RELCH: variants seen among roughly 807,000 people sequenced by gnomAD.
RELCH encodes RAB11-binding protein RELCH.
Under a neutral mutation model 150.3 loss-of-function variants are expected in RELCH, and 41 were observed. The ratio of observed to expected loss-of-function variants is 0.27; its 90% CI spans 0.21 to 0.35. The LOEUF (loss-of-function observed/expected upper bound fraction) is 0.35. Among genes scored for constraint, RELCH ranks in the 10% least tolerant of loss-of-function variants. RELCH has a pLI of 1.00. For missense variants in RELCH, 1,092 were observed against 1,467.8 expected, an observed-to-expected ratio of 0.74 and a Z score of 4.18; for synonymous variants, 478 against 531.8, an observed-to-expected ratio of 0.90 and a Z score of 1.39.
intron 1 of RELCH, among the ~76,000 whole-genome samples, chr18:62,190,388 C>A (rs1201895062): frequency 6.6e-6 from 1 of 151,994 alleles, no homozygotes; most frequent in African/African-American, 2.4e-5. Context: ...ACCAGCCTGG[C>A]CAACATGGTG....
intron 1 of RELCH, among the ~76,000 whole-genome samples, chr18:62,207,892 A>G (rs1045699904): frequency 6.6e-6 from 1 of 152,234 alleles, no homozygotes; most frequent in African/African-American, 2.4e-5. Context: ...TGGACATTTT[A>G]TATGAATGGT....
chr18:62,276,345 C>T (rs1324513856), intron 22 of RELCH, among the ~76,000 whole-genome samples: 1 of 152,052 alleles, frequency 6.6e-6, no homozygotes, highest in Non-Finnish European at 1.5e-5. Context: ...CTCAAAGTAT[C>T]AGTCTCAAAG....
At chr18:62,264,663 G>A in intron 17 of RELCH, 66 bp from the exon 18 acceptor site, 1 of 1,220,430 alleles carries the variant, frequency 8.2e-7, no homozygotes, top group Non-Finnish European at 1.2e-6. Flanking sequence ...CATTGTTTCA[G>A]AAATTGGCAA....
Position 62,187,275 on chromosome 18 carries a change from C to A in RELCH, c.-231C>A. The A allele has an allele frequency of 2.8e-6, 1 of 353,926 alleles. No individual in the cohort carries two copies. Among genetic ancestry groups the A allele is most frequent in the Non-Finnish European group, 5.1e-6 (1 of 196,014 alleles). 21.9% of individuals were successfully genotyped at this position (353,926 alleles called of 1,614,324 possible). A position where few individuals can be genotyped will look rare whatever the true frequency, so the allele number is the denominator to read the frequency against. On this transcript the variant is annotated 5_prime_UTR_variant, in exon 1 of 29. Transcript: ENST00000644646. ...GCTCCAGTTCTCGCGAGACTGGAGA[C>A]CAGGAAGACGCCTGCAGAGCCGGGC...
At chr18:62,240,663 AG>A (rs1234589351) in intron 10 of RELCH, among the ~76,000 whole-genome samples, 3 of 151,990 alleles carry the variant, frequency 2.0e-5, no homozygotes, top group Non-Finnish European at 4.4e-5. Context: ...GAATTCTAAA[AG>A]TCCTAGAAAT....
In RELCH at chr18:62,244,848, T is replaced by C; in HGVS notation, c.1705T>C (p.Leu569=). ...RDQLLHILFN[L]IKRPDDEQRQ... ...TCAGCTTCTCCACATACTTTTCAAT[T>C]TGATCAAGAGGCCAGATGATGAGCA... Residue 569 remains leucine, a synonymous_variant, in exon 11 of 29, where the codon TTG becomes CTG. Transcript: ENST00000644646. 6.2e-7 allele frequency: 1 copy of C among 1,612,974 alleles called. No homozygotes were observed. Among genetic ancestry groups the C allele is most frequent in the African/African-American group, 1.3e-5 (1 of 75,004 alleles).
At chr18:62,209,923 TA>T (rs1303134509) in intron 1 of RELCH, among the ~76,000 whole-genome samples, 2 of 152,226 alleles carry the variant, frequency 1.3e-5, no homozygotes, top group African/African-American at 4.8e-5. Flanking sequence ...TGCTAATGTA[TA>T]AAAATCCAAC....
At position 62,193,883 on chromosome 18, in the gene RELCH, A is replaced by G. The variant is rs151206674; in HGVS notation, c.526+5852A>G. Among the ~76,000 whole-genome samples the G allele has an allele frequency of 1.2e-4, 19 of 152,304 alleles. No individual in the cohort carries two copies. The East Asian group carries it at 3.7e-3, about 29-fold the overall frequency. ...CATTATTGAGTTGTAAGAGTTCTCTATATGTGCATTATCAAATGTGAATTT... is the reference window on the plus strand; with the variant it reads ...CATTATTGAGTTGTAAGAGTTCTCTGTATGTGCATTATCAAATGTGAATTT... On this transcript the variant is annotated intron_variant, in intron 1 of 28. Transcript: ENST00000644646.
At chr18:62,227,236 A>G in intron 5 of RELCH, 53 bp from the exon 6 acceptor site, 1 of 1,219,410 alleles carries the variant, frequency 8.2e-7, no homozygotes, top group Non-Finnish European at 1.2e-6. Flanking sequence ...AATTTCAAAA[A>G]TGTAAGATAA....
At position 62,255,409 on chromosome 18, in the gene RELCH, T is replaced by C; in HGVS notation, c.1827T>C (p.Ile609=). ...AELLPQCWEQ[I]NHKYPERRLL... ...TTTATTTATTTTTTTTGCTCTAGAT[T>C]AATCACAAATACCCAGAAAGACGAC... Residue 609 remains isoleucine (I), a splice_region_variant and synonymous_variant, in exon 13 of 29, where the codon ATT becomes ATC. Transcript: ENST00000644646. 2.5e-6 allele frequency: 4 copies of C among 1,607,044 alleles called. No individual in the cohort carries two copies. Among genetic ancestry groups the C allele is most frequent in the Non-Finnish European group, 2.6e-6 (3 of 1,174,904 alleles).
intron 28 of RELCH, chr18:62,300,919 A>T (rs954768263): frequency 1.3e-5 from 2 of 152,224 alleles, no homozygotes; most frequent in African/African-American, 4.8e-5. Context: ...AGTAAGTAAA[A>T]TTCAGAGTGC....
At chr18:62,244,529 A>G (rs1015126148) in intron 10 of RELCH, among the ~76,000 whole-genome samples, 1 of 152,206 alleles carries the variant, frequency 6.6e-6, no homozygotes, top group Non-Finnish European at 1.5e-5. Context: ...AACCAAGGCT[A>G]GTTGAATCTT....
rs961119456 is a variant in RELCH, at chr18:62,309,162, A to C, written c.*3628A>C. Reference sequence around the variant, plus strand: ...TGAGGCAGGAGAATCACTTGAACCCAGGGAGTGGAGGTTGCAGTGAGCCAA... The same window carrying C: ...TGAGGCAGGAGAATCACTTGAACCCCGGGAGTGGAGGTTGCAGTGAGCCAA... On this transcript the variant is annotated 3_prime_UTR_variant, in exon 29 of 29. Transcript: ENST00000644646. The C allele has an allele frequency of 1.3e-5, 2 of 150,848 alleles. No homozygotes were observed. The highest frequency in any genetic ancestry group is 2.9e-5 in the Non-Finnish European group (2 of 67,854). The allele number at this position is 150,848 out of a possible 1,614,324, so 9.3% of individuals were successfully genotyped here. A position where few individuals can be genotyped will look rare whatever the true frequency, so the allele number is the denominator to read the frequency against.
At chr18:62,240,392 ATTTTCTTTTTTTTTTCT>A in intron 10 of RELCH, among the ~76,000 whole-genome samples, 1 of 146,980 alleles carries the variant, frequency 6.8e-6, no homozygotes, top group Non-Finnish European at 1.5e-5. Context: ...AAAGAAAACC[ATTTTCTTTTTTTTTTCT>A]TTTTCTTTTT....
chr18:62,275,475 T>G lies in RELCH; in HGVS notation c.2967+2T>G. 1 of 1,564,246 alleles carries G rather than the reference T, an allele frequency of 6.4e-7. No individual in the cohort carries two copies. Among genetic ancestry groups the G allele is most frequent in the Non-Finnish European group, 8.8e-7 (1 of 1,135,458 alleles). ...TGTACTGCTGCTAGAATGTTTGAGG[T>G]ATGTCAACACATGCCTCTGTTGGTT... On this transcript the variant is annotated splice_donor_variant, in intron 22 of 28. Coordinates refer to ENST00000644646, the MANE Select transcript of RELCH (RefSeq NM_001346231.2). LOFTEE classifies it high-confidence loss of function.
At chr18:62,239,028 G>A (rs1305753161) in intron 10 of RELCH, among the ~76,000 whole-genome samples, 3 of 151,998 alleles carry the variant, frequency 2.0e-5, no homozygotes, top group Non-Finnish European at 4.4e-5. Context: ...AGTAATGATC[G>A]CCTCAGAGGA....
At position 62,258,442 on chromosome 18, in the gene RELCH, C is replaced by T. The variant is rs1031073815; in HGVS notation, c.2038-70C>T. 1.2e-5 allele frequency: 16 copies of T among 1,301,614 alleles called. No individual in the cohort carries two copies. In the Admixed American group the frequency reaches 3.2e-4, roughly 26 times the overall value. The allele number at this position is 1,301,614 out of a possible 1,614,324, so 80.6% of individuals were successfully genotyped here. A position where few individuals can be genotyped will look rare whatever the true frequency, so the allele number is the denominator to read the frequency against. On this transcript the variant is annotated intron_variant, in intron 14 of 28. Coordinates refer to ENST00000644646, the MANE Select transcript of RELCH (RefSeq NM_001346231.2). Reference sequence around the variant, plus strand: ...TCTTAATTTATTGAAATTTTTATTACTTTTTATTAAGTGTTTTATTTTAAG... The same window carrying T: ...TCTTAATTTATTGAAATTTTTATTATTTTTTATTAAGTGTTTTATTTTAAG...
intron 11 of RELCH, chr18:62,245,819 A>G (rs2042380529): frequency 6.6e-6 from 1 of 152,130 alleles, no homozygotes; most frequent in African/African-American, 2.4e-5. Context: ...TCTGCTTTCT[A>G]GTAGACAAGC....
chr18:62,269,039 C>T, intron 20 of RELCH, 91 bp downstream of exon 20: 1 of 532,102 alleles, frequency 1.9e-6, no homozygotes, highest in Non-Finnish European at 3.3e-6. Context: ...GACATTGCTA[C>T]CAATAAAGAA....
Sources: allele counts gnomAD v4.1 joint callset (sites outside exome capture counted in the v4.1 genomes callset), GRCh38; gene constraint gnomAD v4.1.1; transcripts MANE v1.5; gene names NCBI Gene and HGNC (gene_info 2026-07-23, HGNC 2026-07-21).